CDK17: variants seen among roughly 807,000 people sequenced by gnomAD.
The protein encoded by CDK17 is cyclin dependent kinase 17.
In CDK17, 24 loss-of-function variants were observed where a neutral mutation model predicts 77.6. The observed-to-expected ratio is 0.31, with a 90% CI of 0.22 to 0.44. The LOEUF (loss-of-function observed/expected upper bound fraction) is 0.44. CDK17 is among the 20% of genes least tolerant of loss of function. The pLI is 1.00. For synonymous variants in CDK17, 203 were observed against 210.4 expected (o/e 0.96, Z 0.30); for missense variants, 429 against 622.5 (o/e 0.69, Z 3.31).
At chr12:96,313,868 T>G (rs919242101) in intron 3 of CDK17, among the ~76,000 whole-genome samples, 1 of 152,192 alleles carries the variant, frequency 6.6e-6, no homozygotes, top group Admixed American at 6.5e-5. Flanking sequence ...TATTTAGTAT[T>G]CTTTCAATTA....
At chr12:96,358,313 G>T (rs1336862345) in intron 1 of CDK17, among the ~76,000 whole-genome samples, 4 of 127,060 alleles carry the variant, frequency 3.1e-5, no homozygotes, top group Non-Finnish European at 6.2e-5. Context: ...CAGATATGCA[G>T]ATTATGCAGG....
chr12:96,328,114 G>T (rs1952914709), intron 2 of CDK17, among the ~76,000 whole-genome samples: 1 of 152,072 alleles, frequency 6.6e-6, no homozygotes, highest in Admixed American at 6.6e-5. Context: ...GATCAGTGGT[G>T]GCACTGATTC....
At chr12:96,339,457 T>G (rs148750210) in intron 1 of CDK17, among the ~76,000 whole-genome samples, 1 of 152,026 alleles carries the variant, frequency 6.6e-6, no homozygotes, top group African/African-American at 2.4e-5. Flanking sequence ...AAAATGGTGA[T>G]AGATGCAGAA....
chr12:96,344,423 CAAAT>C (rs1301496049), intron 1 of CDK17, among the ~76,000 whole-genome samples: 1 of 152,034 alleles, frequency 6.6e-6, no homozygotes, highest in Non-Finnish European at 1.5e-5. Flanking sequence ...AACCCAAAGA[CAAAT>C]AAAGTATCTT....
At chr12:96,319,282 G>A (rs2137118729) in intron 3 of CDK17, among the ~76,000 whole-genome samples, 1 of 146,206 alleles carries the variant, frequency 6.8e-6, no homozygotes, top group Admixed American at 6.8e-5. Context: ...ACCAATAACA[G>A]GAGCTGAAAT....
intron 3 of CDK17, among the ~76,000 whole-genome samples, chr12:96,322,404 T>G (rs1217798706): frequency 6.6e-6 from 1 of 152,146 alleles, no homozygotes; most frequent in African/African-American, 2.4e-5. Context: ...GTTTTTTGTA[T>G]TTTTAAAGGA....
At chr12:96,348,329 A>T (rs1014561004) in intron 1 of CDK17, among the ~76,000 whole-genome samples, 1 of 152,104 alleles carries the variant, frequency 6.6e-6, no homozygotes. Flanking sequence ...GTTTGAGACC[A>T]GCCTAGCCAA....
intron 1 of CDK17, among the ~76,000 whole-genome samples, chr12:96,374,208 A>G (rs945405446): frequency 2.6e-5 from 4 of 152,242 alleles, no homozygotes; most frequent in Non-Finnish European, 5.9e-5. Context: ...AATTATTTCT[A>G]TGAAAATATT....
chr12:96,355,831 A>G lies in CDK17; in HGVS notation c.-29-20966T>C, dbSNP rs573910190. 3.3e-5 allele frequency among the ~76,000 whole-genome samples: 5 copies of G among 152,328 alleles called. No homozygotes were observed. The South Asian group carries it at 1.0e-3, about 32-fold the overall frequency. Reference sequence around the variant, plus strand: ...AAATCCTGACACTCAACAGGTGCTCATAAATACCTACAGAATGAAGGAATG... The same window carrying G: ...AAATCCTGACACTCAACAGGTGCTCGTAAATACCTACAGAATGAAGGAATG... On this transcript the variant is annotated intron_variant, in intron 1 of 16. Coordinates refer to ENST00000261211, the MANE Select transcript of CDK17 (RefSeq NM_002595.5).
intron 1 of CDK17, among the ~76,000 whole-genome samples, chr12:96,342,865 C>T (rs530907255): frequency 5.3e-5 from 8 of 151,488 alleles, no homozygotes; most frequent in South Asian, 4.2e-4. Flanking sequence ...GGGAGGCTGC[C>T]GCAGGAGAAT....
At position 96,393,806 on chromosome 12, in the gene CDK17, A is replaced by T. The variant is rs143558670; in HGVS notation, c.-30+6180T>A. ...TCCACCAGAAATAACATTACAAGTC[A>T]ATAATATAAAATACTAAAATCTAAG... On this transcript the variant is annotated intron_variant, in intron 1 of 16. Transcript: ENST00000261211. 8.3e-4 allele frequency among the ~76,000 whole-genome samples: 126 copies of T among 152,332 alleles called. No homozygotes were observed. In the East Asian group the frequency reaches 0.019, roughly 23 times the overall value.
intron 1 of CDK17, among the ~76,000 whole-genome samples, chr12:96,388,990 C>T (rs1440089254): frequency 6.6e-6 from 1 of 151,996 alleles, no homozygotes; most frequent in Non-Finnish European, 1.5e-5. Flanking sequence ...GGATCTGCCC[C>T]ATGATCCAAA....
At chr12:96,347,123 A>G (rs1953226853) in intron 1 of CDK17, among the ~76,000 whole-genome samples, 1 of 152,210 alleles carries the variant, frequency 6.6e-6, no homozygotes, top group South Asian at 2.1e-4. Flanking sequence ...TCAATTATAA[A>G]CGTTTACACA....
At chr12:96,310,684 G>C (rs1213313227) in intron 5 of CDK17, among the ~76,000 whole-genome samples, 1 of 150,654 alleles carries the variant, frequency 6.6e-6, no homozygotes, top group Non-Finnish European at 1.5e-5. Flanking sequence ...AAGGTTCGTT[G>C]AGCTGTACAA....
chr12:96,390,153 A>ATTT (rs199749035), intron 1 of CDK17, among the ~76,000 whole-genome samples: 14 of 129,354 alleles, frequency 1.1e-4, no homozygotes, highest in Admixed American at 6.8e-4. Flanking sequence ...TTAAAACTCA[A>ATTT]TTTTTTTTTT....
intron 2 of CDK17, among the ~76,000 whole-genome samples, chr12:96,328,569 A>T (rs1488569672): frequency 6.6e-6 from 1 of 152,140 alleles, no homozygotes; most frequent in Non-Finnish European, 1.5e-5. Flanking sequence ...ACAACAGTAA[A>T]GTAAAGGAGA....
At chr12:96,335,518 C>T (rs939085907) in intron 1 of CDK17, among the ~76,000 whole-genome samples, 1 of 152,154 alleles carries the variant, frequency 6.6e-6, no homozygotes, top group African/African-American at 2.4e-5. Context: ...ATTGTGTCTT[C>T]CTAATTCTGA....
At chr12:96,299,662 T>C (rs1324293210) in intron 6 of CDK17, among the ~76,000 whole-genome samples, 2 of 152,238 alleles carry the variant, frequency 1.3e-5, no homozygotes, top group Non-Finnish European at 2.9e-5. Flanking sequence ...ATGCTGGGAT[T>C]ACAGGCGTGA....
chr12:96,294,278 AC>A (rs1952367541), intron 10 of CDK17, among the ~76,000 whole-genome samples: 1 of 152,144 alleles, frequency 6.6e-6, no homozygotes, highest in African/African-American at 2.4e-5. Flanking sequence ...TTTTCCCTTT[AC>A]GTAAGTGTAG....
Sources: allele counts gnomAD v4.1 joint callset (sites outside exome capture counted in the v4.1 genomes callset), GRCh38; gene constraint gnomAD v4.1.1; transcripts MANE v1.5; gene names NCBI Gene and HGNC (gene_info 2026-07-23, HGNC 2026-07-21).